Variants in NPAS3 observed in about 807,000 individuals in gnomAD.
NPAS3 encodes the protein neuronal PAS domain-containing protein 3.
A neutral mutation model predicts 73.1 loss-of-function variants in NPAS3; 14 were observed. The ratio of observed to expected loss-of-function variants is 0.19; its 90% CI spans 0.13 to 0.30. The LOEUF is 0.30. Among genes scored for constraint, NPAS3 ranks in the 10% least tolerant of loss-of-function variants. NPAS3 has a pLI of 1.00. For synonymous variants in NPAS3, 620 were observed against 541.5 expected (o/e 1.14, Z -2.01); for missense variants, 1,096 against 1,250.0 (o/e 0.88, Z 1.86).
At chr14:33,336,237 T>A (rs769341361) in intron 3 of NPAS3, among the ~76,000 whole-genome samples, 2 of 152,194 alleles carry the variant, frequency 1.3e-5, no homozygotes, top group Non-Finnish European at 2.9e-5. Flanking sequence ...ACAGTTTCCA[T>A]GGGTTAGGAA....
At position 33,103,147 on chromosome 14, in the gene NPAS3, T is replaced by G. The variant is rs1446558867; in HGVS notation, c.140+47153T>G. Among the ~76,000 whole-genome samples, 3 of 152,200 alleles carry G rather than the reference T, an allele frequency of 2.0e-5. No individual in the cohort carries two copies. The East Asian group carries it at 5.8e-4, about 29-fold the overall frequency. ...AAATTCAGGTAAAGTATTGGGAATA[T>G]GGTGTGACTTCTGCATGCCCTGATT... On this transcript the variant is annotated intron_variant, in intron 2 of 11. Coordinates refer to ENST00000356141, the Ensembl canonical transcript of NPAS3.
intron 5 of NPAS3, among the ~76,000 whole-genome samples, chr14:33,675,087 G>A (rs79910470): frequency 0.073 from 11,140 of 152,226 alleles, 474 homozygotes; most frequent in South Asian, 0.2. Context: ...ACTTGTGACA[G>A]TCTGAAGCTC....
chr14:33,223,468 T>C (rs2047508361), intron 3 of NPAS3, among the ~76,000 whole-genome samples: 1 of 152,184 alleles, frequency 6.6e-6, no homozygotes, highest in East Asian at 1.9e-4. Context: ...GAAATGAATG[T>C]GCAATACATA....
intron 6 of NPAS3, among the ~76,000 whole-genome samples, chr14:33,701,769 A>G (rs766915279): frequency 1.4e-4 from 21 of 152,290 alleles, no homozygotes; most frequent in Non-Finnish European, 2.4e-4. Context: ...GAGTATTTCC[A>G]GTGTTCGTAC....
intron 2 of NPAS3, among the ~76,000 whole-genome samples, chr14:33,173,607 C>T (rs902755113): frequency 1.3e-5 from 2 of 152,112 alleles, no homozygotes; most frequent in African/African-American, 2.4e-5. Context: ...GAATATTTAG[C>T]ACCCAATGGT....
chr14:32,999,661 A>G (rs1383055027), intron 1 of NPAS3, among the ~76,000 whole-genome samples: 8 of 152,154 alleles, frequency 5.3e-5, no homozygotes, highest in Non-Finnish European at 1.5e-5. Context: ...TTGGAGGAAA[A>G]TAATTTCAAC....
rs558595216 is a variant in NPAS3 at position 33,129,007 on chromosome 14, G to A, written c.140+73013G>A. Among the ~76,000 whole-genome samples the A allele has an allele frequency of 1.3e-3, 196 of 151,926 alleles. 3 individuals carry two copies. In the South Asian group the frequency reaches 0.033, roughly 26 times the overall value. On this transcript the variant is annotated intron_variant, in intron 2 of 11. Coordinates refer to ENST00000356141, the Ensembl canonical transcript of NPAS3. ...TTCCAACTAATTTCAGTCCCATTACGAATTTTCCACAGGATTTTTTTCCAG... is the reference window on the plus strand; with the variant it reads ...TTCCAACTAATTTCAGTCCCATTACAAATTTTCCACAGGATTTTTTTCCAG...
intron 7 of NPAS3, among the ~76,000 whole-genome samples, chr14:33,744,774 AGT>A (rs1292463504): frequency 6.6e-6 from 1 of 151,952 alleles, no homozygotes; most frequent in African/African-American, 2.4e-5. Context: ...TGGACAACAG[AGT>A]GAGACCCCAT....
chr14:33,708,570 A>G (rs1000391697), intron 6 of NPAS3, among the ~76,000 whole-genome samples: 3 of 152,190 alleles, frequency 2.0e-5, no homozygotes, highest in African/African-American at 7.2e-5. Flanking sequence ...GAAAACCAAT[A>G]CAGGCTTTAT....
chr14:33,624,891 G>T (rs2140109911), intron 5 of NPAS3, among the ~76,000 whole-genome samples: 1 of 152,254 alleles, frequency 6.6e-6, no homozygotes, highest in African/African-American at 2.4e-5. Flanking sequence ...ATGTGTGTGT[G>T]CACAGTGGGT....
intron 2 of NPAS3, among the ~76,000 whole-genome samples, chr14:33,175,230 CAA>C (rs1389185143): frequency 6.6e-6 from 1 of 152,018 alleles, no homozygotes; most frequent in Non-Finnish European, 1.5e-5. Context: ...ATGTTTTTGA[CAA>C]AGTTTTTGTT....
At chr14:33,214,851 G>C in intron 2 of NPAS3, 1 of 242,258 alleles carries the variant, frequency 4.1e-6, no homozygotes, top group Non-Finnish European at 7.9e-6. Context: ...ATTGATTCTA[G>C]TTGATAATAT....
intron 5 of NPAS3, among the ~76,000 whole-genome samples, chr14:33,633,396 C>G (rs1308270843): frequency 6.6e-6 from 1 of 152,130 alleles, no homozygotes; most frequent in African/African-American, 2.4e-5. Context: ...AAAGTACAGT[C>G]ATGTGTTGCT....
chr14:33,637,749 A>G (rs1265616833), intron 5 of NPAS3, among the ~76,000 whole-genome samples: 1 of 152,084 alleles, frequency 6.6e-6, no homozygotes, highest in African/African-American at 2.4e-5. Flanking sequence ...CCGTCTCATT[A>G]TTAAGCACAA....
intron 6 of NPAS3, among the ~76,000 whole-genome samples, chr14:33,706,087 G>A (rs544500711): frequency 3.9e-5 from 6 of 152,266 alleles, no homozygotes; most frequent in South Asian, 4.1e-4. Flanking sequence ...GACAAATCCC[G>A]GGATGACATT....
chr14:33,219,243 A>C (rs2047335868), intron 3 of NPAS3, among the ~76,000 whole-genome samples: 1 of 152,144 alleles, frequency 6.6e-6, no homozygotes, highest in Non-Finnish European at 1.5e-5. Context: ...ATCTTTTATT[A>C]ATCTTTAAAG....
intron 7 of NPAS3, among the ~76,000 whole-genome samples, chr14:33,740,427 A>G (rs2061627680): frequency 6.6e-6 from 1 of 152,218 alleles, no homozygotes; most frequent in Non-Finnish European, 1.5e-5. Context: ...AGTATGCTGC[A>G]CATAGTTGTC....
At chr14:33,581,581 G>T (rs533738117) in intron 5 of NPAS3, among the ~76,000 whole-genome samples, 1 of 151,582 alleles carries the variant, frequency 6.6e-6, no homozygotes, top group African/African-American at 2.4e-5. Flanking sequence ...GGGCGTTTTT[G>T]TCTTTTTGAA....
chr14:33,800,285 A>C lies in NPAS3; in HGVS notation c.1978A>C (p.Asn660His), dbSNP rs2138687543. The C allele has an allele frequency of 6.2e-7, 1 of 1,613,356 alleles. No individual in the cohort carries two copies. The highest frequency in any genetic ancestry group is 1.1e-5 in the South Asian group (1 of 91,062). ...GATCTCAGAACCCATCAATTTCGAC[A>C]ATGACAGCAGCATCTGGAACTACCC... Residue 660 changes from asparagine (N) to histidine (H), a missense_variant, in exon 12 of 12, where the codon AAT becomes CAT. Physicochemically the swap from Asn to His is moderately conservative, Grantham distance 68. Coordinates refer to ENST00000356141, the Ensembl canonical transcript of NPAS3. This position sits in a 1 kb window ranked among gnomAD's most constrained non-coding sequence, Gnocchi z 6.5.
Sources: allele counts gnomAD v4.1 joint callset (sites outside exome capture counted in the v4.1 genomes callset), GRCh38; gene constraint gnomAD v4.1.1; non-coding constraint Gnocchi (gnomAD v3.1); transcripts MANE v1.5; gene names NCBI Gene and HGNC (gene_info 2026-07-23, HGNC 2026-07-21).